ITGB1: variants seen among roughly 807,000 people sequenced by gnomAD.
ITGB1 encodes integrin beta-1.
ITGB1 carries 24 observed loss-of-function variants against 86.5 expected under a neutral mutation model. The observed-to-expected ratio is 0.28, with a 90% confidence interval of 0.20 to 0.39. ITGB1 has a LOEUF of 0.39. Among genes scored for constraint, ITGB1 ranks in the 10% least tolerant of loss-of-function variants. ITGB1 has a pLI of 1.00. For missense variants in ITGB1, 556 were observed against 946.9 expected (o/e 0.59, Z 5.42); for synonymous variants, 323 against 316.8 (o/e 1.02, Z -0.21).
intron 1 of ITGB1, among the ~76,000 whole-genome samples, chr10:32,954,304 G>C (rs2475197): frequency 0.032 from 4,839 of 151,894 alleles, 129 homozygotes; most frequent in Non-Finnish European, 0.05. Context: ...TCACCTCAGT[G>C]AACAGCACCT....
chr10:32,927,444 G>A (rs575897009), intron 5 of ITGB1, among the ~76,000 whole-genome samples: 1 of 152,290 alleles, frequency 6.6e-6, no homozygotes, highest in South Asian at 2.1e-4. Context: ...GGCAGGTGCA[G>A]ACATACTAAT....
intron 2 of ITGB1, 36 bp from the exon 3 acceptor site, chr10:32,932,636 G>C: frequency 8.7e-7 from 1 of 1,145,316 alleles, no homozygotes; most frequent in East Asian, 2.3e-5. Context: ...CATTTTATGT[G>C]AAGTGTCAGA....
At chr10:32,944,020 G>A (rs529880490) in intron 1 of ITGB1, among the ~76,000 whole-genome samples, 128 of 152,262 alleles carry the variant, frequency 8.4e-4, no homozygotes, top group African/African-American at 2.5e-3. Flanking sequence ...TACAGTGCAC[G>A]TGCCCAGGGA....
At chr10:32,935,888 A>C in intron 1 of ITGB1, 1 of 189,062 alleles carries the variant, frequency 5.3e-6, no homozygotes, top group South Asian at 1.2e-4. Flanking sequence ...AACACCATAA[A>C]ACCTACCAAT....
chr10:32,929,965 T>A lies in ITGB1; in HGVS notation c.233A>T (p.Asp78Val). 2.3e-6 allele frequency: 3 copies of A among 1,301,354 alleles called. No homozygotes were observed. The highest frequency in any genetic ancestry group is 3.4e-6 in the Non-Finnish European group (3 of 893,900). 80.6% of individuals were successfully genotyped at this position (1,301,354 alleles called of 1,614,324 possible). Residue 78 changes from aspartate to valine, a missense_variant, in exon 4 of 16, where the codon GAT becomes GTT. Asp to Val is a radical substitution (Grantham distance 152). Transcript: ENST00000302278. ...EALKKKGCPP[D>V]DIENPRGSKD... ...GGAGCCTCTGGGATTTTCTATGTCA[T>A]CTGGAGGGCAACCCTTCTTTTTTAA...
intron 2 of ITGB1, among the ~76,000 whole-genome samples, chr10:32,933,850 AAG>A (rs2094992044): frequency 6.6e-6 from 1 of 152,158 alleles, no homozygotes; most frequent in Non-Finnish European, 1.5e-5. Context: ...TCTTTTTAAA[AAG>A]AATTAAAAAG....
intron 14 of ITGB1, among the ~76,000 whole-genome samples, chr10:32,908,916 T>C (rs571287783): frequency 1.3e-5 from 2 of 152,312 alleles, no homozygotes; most frequent in South Asian, 2.1e-4. Flanking sequence ...AGATATTCCA[T>C]GTGCAGGAGT....
At chr10:32,933,704 G>A (rs1420748542) in intron 2 of ITGB1, 1 of 152,004 alleles carries the variant, frequency 6.6e-6, no homozygotes, top group Non-Finnish European at 1.5e-5. Context: ...AAATAGCAAG[G>A]GGAAGCAAGC....
intron 1 of ITGB1, among the ~76,000 whole-genome samples, chr10:32,942,786 G>A (rs959049241): frequency 1.3e-5 from 2 of 151,658 alleles, no homozygotes; most frequent in East Asian, 3.9e-4. Flanking sequence ...CTGGGCTCAG[G>A]CAATCCTCCC....
intron 1 of ITGB1, chr10:32,955,618 C>T (rs186592118): frequency 6.0e-4 from 91 of 152,268 alleles, no homozygotes; most frequent in African/African-American, 2.0e-3. Context: ...GGCAAGCACG[C>T]TTAGGAAAAC....
At chr10:32,921,343 T>A (rs1480820111) in intron 9 of ITGB1, among the ~76,000 whole-genome samples, 1 of 152,016 alleles carries the variant, frequency 6.6e-6, no homozygotes, top group Non-Finnish European at 1.5e-5. Context: ...GGAAAAGCTG[T>A]GGAACAAGTA....
At chr10:32,957,593 C>T (rs2095055142) in intron 1 of ITGB1, among the ~76,000 whole-genome samples, 1 of 152,112 alleles carries the variant, frequency 6.6e-6, no homozygotes, top group Non-Finnish European at 1.5e-5. Context: ...AGGGCCGCCT[C>T]CTGGCAGCCG....
At position 32,929,957 on chromosome 10, in the gene ITGB1, C is replaced by G; in HGVS notation, c.241G>C (p.Glu81Gln). Residue 81 changes from glutamate (E) to glutamine (Q), a missense_variant, in exon 4 of 16, where the codon GAA becomes CAA. Physicochemically the swap from Glu to Gln is conservative, Grantham distance 29. This residue lies in a region of ITGB1 where 183 missense variants were observed against 263.9 expected (regional missense o/e 0.69). Transcript: ENST00000302278. The part of the protein sequence containing the change: ...KKKGCPPDDI[E>Q]NPRGSKDIKK... ...ATATCTTTGGAGCCTCTGGGATTTTCTATGTCATCTGGAGGGCAACCCTTC... is the reference window on the plus strand; with the variant it reads ...ATATCTTTGGAGCCTCTGGGATTTTGTATGTCATCTGGAGGGCAACCCTTC... The G allele has an allele frequency of 7.1e-7, 1 of 1,409,536 alleles. No homozygotes were observed. The highest frequency in any genetic ancestry group is 1.0e-6 in the Non-Finnish European group (1 of 992,776). The allele number at this position is 1,409,536 out of a possible 1,614,324, so 87.3% of individuals were successfully genotyped here.
At chr10:32,916,172 G>A (rs1417310075) in intron 11 of ITGB1, among the ~76,000 whole-genome samples, 1 of 152,042 alleles carries the variant, frequency 6.6e-6, no homozygotes, top group African/African-American at 2.4e-5. Flanking sequence ...AAAATAATAA[G>A]AGCTATTTAT....
intron 15 of ITGB1, among the ~76,000 whole-genome samples, chr10:32,904,623 T>C (rs1424310852): frequency 6.6e-6 from 1 of 152,246 alleles, no homozygotes; most frequent in African/African-American, 2.4e-5. Context: ...CATAATTGAC[T>C]GGCAAACCTT....
intron 1 of ITGB1, among the ~76,000 whole-genome samples, chr10:32,948,023 A>G (rs1316321000): frequency 6.6e-6 from 1 of 150,920 alleles, no homozygotes; most frequent in African/African-American, 2.4e-5. Context: ...TTTTTTTTCA[A>G]TTGTAATTAT....
At chr10:32,927,769 G>A (rs1262047715) in intron 5 of ITGB1, among the ~76,000 whole-genome samples, 1 of 152,158 alleles carries the variant, frequency 6.6e-6, no homozygotes, top group African/African-American at 2.4e-5. Flanking sequence ...ACTCCAGTCT[G>A]GGCGACAAGA....
chr10:32,920,112 C>G (rs1300618681), intron 10 of ITGB1, 28 bp from the exon 11 acceptor site: 2 of 1,585,978 alleles, frequency 1.3e-6, no homozygotes, highest in Non-Finnish European at 1.7e-6. Flanking sequence ...GATTAACAAC[C>G]AACTAAACAA....
rs1048451071 is a variant in ITGB1, at chr10:32,944,955, T to C, written c.1-9397A>G. ...GTCCTGGAATATTACCAAGCTTTTC[T>C]ACAAACTAAAGTTCCACAAAGAAGC... is the stretch of plus-strand genomic sequence containing the variant. On this transcript the variant is annotated intron_variant, in intron 1 of 15. Coordinates refer to ENST00000302278, the MANE Select transcript of ITGB1 (RefSeq NM_002211.4). 6.8e-6 allele frequency: 8 copies of C among 1,168,566 alleles called. No individual in the cohort carries two copies. The Admixed American group carries it at 7.1e-5, about 10-fold the overall frequency. 72.4% of individuals were successfully genotyped at this position (1,168,566 alleles called of 1,614,324 possible). A position where few individuals can be genotyped will look rare whatever the true frequency, so the allele number is the denominator to read the frequency against.
Sources: allele counts gnomAD v4.1 joint callset (sites outside exome capture counted in the v4.1 genomes callset), GRCh38; gene constraint gnomAD v4.1.1; regional missense constraint gnomAD v4.1.1; transcripts MANE v1.5; gene names NCBI Gene and HGNC (gene_info 2026-07-23, HGNC 2026-07-21).